Variants in LRMDA observed in about 807,000 individuals in gnomAD.
The protein encoded by LRMDA is leucine-rich melanocyte differentiation-associated protein.
Under a neutral mutation model 29.8 loss-of-function variants are expected in LRMDA, and 18 were observed. That is an observed-to-expected ratio of 0.60 (90% confidence interval 0.42 to 0.90). The LOEUF is 0.90. Ranked by LOEUF, LRMDA falls within the 40% of genes least tolerant of loss-of-function variation. The probability of loss-of-function intolerance (pLI) is 0.00; values close to 1 mark genes in which losing one functional copy is unlikely to be tolerated. For synonymous variants in LRMDA, 125 were observed against 109.4 expected, an observed-to-expected ratio of 1.14 and a Z score of -0.89; for missense variants, 273 against 273.9, an observed-to-expected ratio of 1.00 and a Z score of 0.02.
At chr10:75,705,217 A>G (rs1842352295) in intron 2 of LRMDA, among the ~76,000 whole-genome samples, 1 of 152,220 alleles carries the variant, frequency 6.6e-6, no homozygotes, top group Non-Finnish European at 1.5e-5. Flanking sequence ...CCCAGTCTTC[A>G]AAGTATCAGC....
chr10:76,486,361 C>T (rs528169935), intron 6 of LRMDA, among the ~76,000 whole-genome samples: 1 of 151,980 alleles, frequency 6.6e-6, no homozygotes, highest in East Asian at 2.0e-4. Context: ...GGACTTGGGC[C>T]ATGGATTATA....
chr10:75,548,023 A>G (rs1338131786), intron 2 of LRMDA, among the ~76,000 whole-genome samples: 2 of 152,048 alleles, frequency 1.3e-5, no homozygotes, highest in African/African-American at 4.8e-5. Context: ...AAGGCTTTTC[A>G]TATTTATTTT....
At chr10:75,838,050 C>T (rs1444922921) in intron 2 of LRMDA, among the ~76,000 whole-genome samples, 1 of 151,952 alleles carries the variant, frequency 6.6e-6, no homozygotes, top group Non-Finnish European at 1.5e-5. Context: ...ACCACAATGA[C>T]TAAAGGGGCA....
chr10:75,431,670 T>A lies in LRMDA; in HGVS notation c.-55T>A. On this transcript the variant is annotated 5_prime_UTR_variant, in exon 1 of 7. Transcript: ENST00000611255. ...CGCGCTCCCCTGCCGCGCTCCCCGC[T>A]GCTGCCGCCGCGCCCCCGCGCTCCG... The A allele has an allele frequency of 8.0e-7, 1 of 1,253,008 alleles. No individual in the cohort carries two copies. Among genetic ancestry groups the A allele is most frequent in the Non-Finnish European group, 1.0e-6 (1 of 1,004,478 alleles). 77.6% of individuals were successfully genotyped at this position (1,253,008 alleles called of 1,614,324 possible).
rs1216784982 is a variant in LRMDA, at chr10:75,991,149, G to A, written c.132-44859G>A. Reference sequence around the variant, plus strand: ...TGGCAAGCATCTCAGAGCAGGATTGGAAAATACATATACATATGTATGTAC... The same window carrying A: ...TGGCAAGCATCTCAGAGCAGGATTGAAAAATACATATACATATGTATGTAC... On this transcript the variant is annotated intron_variant, in intron 2 of 6. Coordinates refer to ENST00000611255, the MANE Select transcript of LRMDA (RefSeq NM_001305581.2). Among the ~76,000 whole-genome samples, 17 of 152,234 alleles carry A rather than the reference G, an allele frequency of 1.1e-4. 1 individual carries two copies. Among genetic ancestry groups the A allele is most frequent in the Non-Finnish European group, 1.5e-5 (1 of 68,020 alleles).
At chr10:75,823,938 A>G (rs192430164) in intron 2 of LRMDA, among the ~76,000 whole-genome samples, 123 of 152,218 alleles carry the variant, frequency 8.1e-4, no homozygotes, top group African/African-American at 2.9e-3. Context: ...GAGCTAAGCA[A>G]TGGGTACACA....
chr10:76,214,438 A>G (rs979949403), intron 5 of LRMDA, among the ~76,000 whole-genome samples: 25 of 137,620 alleles, frequency 1.8e-4, no homozygotes, highest in Non-Finnish European at 3.0e-4. Context: ...TCCGCTTCCC[A>G]GGTTCACGCC....
At chr10:75,934,386 A>G (rs149676398) in intron 2 of LRMDA, among the ~76,000 whole-genome samples, 99 of 152,238 alleles carry the variant, frequency 6.5e-4, no homozygotes, top group African/African-American at 9.9e-4. Flanking sequence ...GGGTGTCTTT[A>G]TGGGAGAGAG....
At chr10:75,481,069 G>C (rs1844851033) in intron 2 of LRMDA, among the ~76,000 whole-genome samples, 1 of 152,130 alleles carries the variant, frequency 6.6e-6, no homozygotes, top group South Asian at 2.1e-4. Context: ...CATCGGGTTT[G>C]AGGTGCCTTT....
chr10:76,397,133 T>G (rs1162668477), intron 6 of LRMDA, among the ~76,000 whole-genome samples: 1 of 152,182 alleles, frequency 6.6e-6, no homozygotes, highest in Non-Finnish European at 1.5e-5. Context: ...AGGGGGCAGA[T>G]GGGAAGTCTG....
At chr10:76,218,505 T>C (rs1851769453) in intron 5 of LRMDA, among the ~76,000 whole-genome samples, 1 of 152,256 alleles carries the variant, frequency 6.6e-6, no homozygotes, top group Admixed American at 6.5e-5. Context: ...ATAAAGTTGT[T>C]TGAGGTTGAA....
chr10:75,826,460 T>G lies in LRMDA; in HGVS notation c.132-209548T>G, dbSNP rs139017335. On this transcript the variant is annotated intron_variant, in intron 2 of 6. Coordinates refer to ENST00000611255, the MANE Select transcript of LRMDA (RefSeq NM_001305581.2). ...TTTGATGTTTTTGTAAATTTGCAAA[T>G]GGTCTAGGTCAGTGTCCATGTTAAG... is the stretch of plus-strand genomic sequence containing the variant. Among the ~76,000 whole-genome samples the G allele has an allele frequency of 3.8e-3, 571 of 152,234 alleles. 2 individuals carry two copies. Among genetic ancestry groups the G allele is most frequent in the Non-Finnish European group, 6.6e-3 (448 of 68,012 alleles).
At chr10:75,901,583 T>C (rs7075958) in intron 2 of LRMDA, among the ~76,000 whole-genome samples, 88,383 of 151,994 alleles carry the variant, frequency 0.58, 26,776 homozygotes, top group Non-Finnish European at 0.68. Context: ...GAAGTATTCA[T>C]GGGGGGAGAA....
At chr10:76,271,605 C>A (rs766754532) in intron 5 of LRMDA, among the ~76,000 whole-genome samples, 17 of 152,116 alleles carry the variant, frequency 1.1e-4, no homozygotes, top group Non-Finnish European at 2.4e-4. Flanking sequence ...ATAGCTCAAA[C>A]TATGATCTCA....
chr10:76,031,567 A>G (rs1393933982), intron 2 of LRMDA, among the ~76,000 whole-genome samples: 1 of 152,108 alleles, frequency 6.6e-6, no homozygotes, highest in African/African-American at 2.4e-5. Context: ...GGCTGCATGG[A>G]GATCCCCTCT....
intron 5 of LRMDA, among the ~76,000 whole-genome samples, chr10:76,172,965 A>T (rs904610665): frequency 6.6e-6 from 1 of 152,208 alleles, no homozygotes; most frequent in African/African-American, 2.4e-5. Context: ...TACACAGATG[A>T]TAGAATTAGT....
intron 2 of LRMDA, among the ~76,000 whole-genome samples, chr10:75,906,712 C>T (rs1329450029): frequency 1.3e-5 from 2 of 152,222 alleles, no homozygotes; most frequent in African/African-American, 4.8e-5. Flanking sequence ...AATCCATCCA[C>T]GGAGTGCGCT....
intron 6 of LRMDA, among the ~76,000 whole-genome samples, chr10:76,409,635 A>G (rs2132506432): frequency 6.6e-6 from 1 of 152,300 alleles, no homozygotes; most frequent in South Asian, 2.1e-4. Context: ...TTACTTTTTC[A>G]ATGAACATGT....
At chr10:75,921,835 C>T (rs1432271718) in intron 2 of LRMDA, among the ~76,000 whole-genome samples, 2 of 151,628 alleles carry the variant, frequency 1.3e-5, no homozygotes, top group African/African-American at 4.8e-5. Flanking sequence ...TTTACATATC[C>T]CCTTCCTCCT....
Sources: gnomAD v4.1 joint callset for allele counts (sites outside exome capture counted in the v4.1 genomes callset) on GRCh38, gnomAD v4.1.1 for gene constraint, MANE v1.5 for transcripts, NCBI Gene and HGNC (gene_info 2026-07-23, HGNC 2026-07-21) for gene names.